PVT1: variants seen among roughly 807,000 people sequenced by gnomAD.
PVT1 encodes the protein CXCR4/PVT1 fusion.
intron 4 of PVT1, chr8:127,999,126 T>C (rs888157754): frequency 4.6e-5 from 7 of 152,174 alleles, no homozygotes; most frequent in East Asian, 1.9e-4. Context: ...TTTTAACACA[T>C]ATGAATACTT....
chr8:128,040,774 TTG>T (rs1392169782), intron 4 of PVT1, among the ~76,000 whole-genome samples: 1 of 151,504 alleles, frequency 6.6e-6, no homozygotes, highest in Admixed American at 6.6e-5. Flanking sequence ...TTTTGTGCTT[TTG>T]TGTGTGTGTG....
At chr8:128,012,059 T>A (rs1378935027) in intron 4 of PVT1, among the ~76,000 whole-genome samples, 4 of 152,208 alleles carry the variant, frequency 2.6e-5, no homozygotes. Flanking sequence ...GATTCCCTCT[T>A]ATTTGTGGAG....
rs568054466 is a variant in PVT1, at chr8:127,978,953, G to A, written n.783-10209G>A. 8.5e-5 allele frequency among the ~76,000 whole-genome samples: 13 copies of A among 152,334 alleles called. No homozygotes were observed. The East Asian group carries it at 2.3e-3, about 27-fold the overall frequency. On this transcript the variant is annotated intron_variant and non_coding_transcript_variant, in intron 3 of 10. Transcript: ENST00000651587. ...TTGTAGGTCTCACTATGTTGCCCAG[G>A]CTGATCTCAAACTCCTGGCCTCAAG... is the stretch of plus-strand genomic sequence containing the variant.
At chr8:127,991,140 C>CTTTTTTTTT (rs35494368) in intron 4 of PVT1, among the ~76,000 whole-genome samples, 115 of 73,068 alleles carry the variant, frequency 1.6e-3, no homozygotes, top group Non-Finnish European at 2.4e-3. Flanking sequence ...TCTTTTCTTT[C>CTTTTTTTTT]TTTTTTTTTT....
chr8:128,055,541 A>G (rs1813752814), intron 4 of PVT1, among the ~76,000 whole-genome samples: 1 of 152,234 alleles, frequency 6.6e-6, no homozygotes, highest in Non-Finnish European at 1.5e-5. Context: ...ACTGCAAGCC[A>G]TGTAGCTGCA....
chr8:127,811,499 T>C (rs1487046164), intron 2 of PVT1, among the ~76,000 whole-genome samples: 1 of 152,180 alleles, frequency 6.6e-6, no homozygotes, highest in African/African-American at 2.4e-5. Context: ...TCCCTAATTA[T>C]TGGTTATTGA....
At chr8:128,004,637 G>C (rs916921297) in intron 4 of PVT1, among the ~76,000 whole-genome samples, 1 of 152,138 alleles carries the variant, frequency 6.6e-6, no homozygotes, top group Non-Finnish European at 1.5e-5. Context: ...CCTGCTACAG[G>C]GAGAAGCCTG....
At chr8:128,057,851 T>C (rs143476462) in intron 4 of PVT1, among the ~76,000 whole-genome samples, 71 of 152,344 alleles carry the variant, frequency 4.7e-4, no homozygotes, top group African/African-American at 1.7e-3. Context: ...GTTACCCTGT[T>C]TGTGAGTGAG....
In PVT1 at chr8:128,021,900, G is replaced by A. The variant is rs192726557; in HGVS notation, n.912+32609G>A. 2.2e-3 allele frequency among the ~76,000 whole-genome samples: 334 copies of A among 152,210 alleles called. 1 individual carries two copies. Among genetic ancestry groups the A allele is most frequent in the African/African-American group, 7.5e-3 (310 of 41,540 alleles). On this transcript the variant is annotated intron_variant and non_coding_transcript_variant, in intron 4 of 10. Transcript: ENST00000651587. ...ACAGAGGTGCTGGGAGTGAGGGAGA[G>A]TGCAGGGGTAGGGAAGCATTACATG...
intron 2 of PVT1, among the ~76,000 whole-genome samples, chr8:127,853,435 G>A (rs181841047): frequency 1.5e-3 from 226 of 152,242 alleles, no homozygotes; most frequent in Admixed American, 2.6e-3. Flanking sequence ...CTTTCCATAG[G>A]GGTGTGGTGT....
chr8:128,060,010 A>C (rs1029089493), intron 4 of PVT1, among the ~76,000 whole-genome samples: 4 of 152,182 alleles, frequency 2.6e-5, no homozygotes, highest in African/African-American at 9.7e-5. Context: ...TAATCCTAGC[A>C]CTTTGGGAGG....
At chr8:127,801,304 A>G (rs1038777321) in intron 2 of PVT1, among the ~76,000 whole-genome samples, 11 of 151,632 alleles carry the variant, frequency 7.3e-5, no homozygotes, top group African/African-American at 2.7e-4. Context: ...TGCAGTGGGG[A>G]GATCTTGGTT....
intron 3 of PVT1, among the ~76,000 whole-genome samples, chr8:127,892,350 G>T (rs775027070): frequency 1.3e-5 from 2 of 152,192 alleles, no homozygotes; most frequent in Admixed American, 1.3e-4. Flanking sequence ...TTGCACACAG[G>T]CTAGACACAT....
intron 2 of PVT1, among the ~76,000 whole-genome samples, chr8:127,830,022 G>A (rs1248667280): frequency 4.6e-5 from 7 of 152,062 alleles, no homozygotes; most frequent in Admixed American, 4.6e-4. Flanking sequence ...CTCTCTTCTT[G>A]TAATAATGCC....
chr8:128,047,527 C>T (rs1391953366), intron 4 of PVT1, among the ~76,000 whole-genome samples: 1 of 152,192 alleles, frequency 6.6e-6, no homozygotes, highest in Non-Finnish European at 1.5e-5. Context: ...TTGTAAAGGA[C>T]GCTATTGAGA....
intron 2 of PVT1, among the ~76,000 whole-genome samples, chr8:127,883,008 CGCACACACATGCCT>C (rs1170695678): frequency 7.9e-5 from 12 of 151,854 alleles, no homozygotes; most frequent in Non-Finnish European, 1.5e-4. Context: ...TGCACATACA[CGCACACACATGCCT>C]GCACACACAC....
At chr8:127,942,719 T>C (rs1816367202) in intron 3 of PVT1, among the ~76,000 whole-genome samples, 1 of 152,204 alleles carries the variant, frequency 6.6e-6, no homozygotes, top group Non-Finnish European at 1.5e-5. Flanking sequence ...CATTTTGCTC[T>C]AAGTATTGGA....
At chr8:128,011,910 G>T (rs1817318441) in intron 4 of PVT1, among the ~76,000 whole-genome samples, 1 of 152,156 alleles carries the variant, frequency 6.6e-6, no homozygotes, top group Non-Finnish European at 1.5e-5. Flanking sequence ...CATCACTGGA[G>T]ATATCCACAC....
chr8:128,058,849 A>G (rs1813795022), intron 4 of PVT1, among the ~76,000 whole-genome samples: 1 of 152,310 alleles, frequency 6.6e-6, no homozygotes, highest in African/African-American at 2.4e-5. Flanking sequence ...GCAGGGCTTC[A>G]GGGTGGATTT....
Sources: gnomAD v4.1 joint callset for allele counts (sites outside exome capture counted in the v4.1 genomes callset) on GRCh38, gnomAD v4.1.1 for gene constraint, MANE v1.5 for transcripts, NCBI Gene and HGNC (gene_info 2026-07-23, HGNC 2026-07-21) for gene names.